Variants in MLLT6 observed in about 807,000 individuals in gnomAD.
The protein encoded by MLLT6 is protein AF-17.
Under a neutral mutation model 103.0 loss-of-function variants are expected in MLLT6, and 22 were observed. That is an observed-to-expected ratio of 0.21 (90% CI 0.15 to 0.31). MLLT6 has a LOEUF of 0.31. Among genes scored for constraint, MLLT6 ranks in the 10% least tolerant of loss-of-function variants. MLLT6 has a pLI of 1.00. For missense variants in MLLT6, 1,199 were observed against 1,441.7 expected (o/e 0.83, Z 2.73); for synonymous variants, 606 against 623.5 (o/e 0.97, Z 0.42).
intron 16 of MLLT6, 42 bp from the exon 17 acceptor site, chr17:38,721,836 C>T (rs745852665): frequency 7.1e-7 from 1 of 1,416,844 alleles, no homozygotes; most frequent in African/African-American, 1.5e-5. Context: ...CCAGAAAAGT[C>T]ATGCTGGCCC....
rs1305228378 is a variant in MLLT6, at chr17:38,709,923, G to A, written c.552+348G>A. 6.6e-6 allele frequency among the ~76,000 whole-genome samples: 1 copy of A among 152,208 alleles called. No individual in the cohort carries two copies. Among genetic ancestry groups the A allele is most frequent in the Non-Finnish European group, 1.5e-5 (1 of 68,036 alleles). ...CAGCATTTACTACGCCTCCGCCTTA[G>A]GACAAAGTTCCTGCCATGTGTTATT... is the stretch of plus-strand genomic sequence containing the variant. On this transcript the variant is annotated intron_variant, in intron 6 of 19. Transcript: ENST00000621332. This position sits in a 1 kb window ranked among gnomAD's most constrained non-coding sequence, Gnocchi z 4.3.
rs1906162707 is a variant in MLLT6 at position 38,728,644 on chromosome 17, A to ATGACAGCTCCAAGCCTAGAAGGGGC, written c.*3048_*3072dup. On this transcript the variant is annotated 3_prime_UTR_variant, in exon 20 of 20. Transcript: ENST00000621332. ...TTTCAGCCAGCTCCTCCCATCACAG[A>ATGACAGCTCCAAGCCTAGAAGGGGC]TGACAGCTCCAAGCCTAGAAGGGGC... The ATGACAGCTCCAAGCCTAGAAGGGGC allele has an allele frequency of 4.3e-6, 1 of 233,802 alleles. No homozygotes were observed. The highest frequency in any genetic ancestry group is 1.8e-4 in the South Asian group (1 of 5,546). 14.5% of individuals were successfully genotyped at this position (233,802 alleles called of 1,614,324 possible). A position where few individuals can be genotyped will look rare whatever the true frequency, so the allele number is the denominator to read the frequency against.
Position 38,707,477 on chromosome 17 carries a change from C to G in MLLT6, c.190-9C>G. 1 of 1,614,042 alleles carries G rather than the reference C, an allele frequency of 6.2e-7. No homozygotes were observed. Among genetic ancestry groups the G allele is most frequent in the Non-Finnish European group, 8.5e-7 (1 of 1,179,926 alleles). On this transcript the variant is annotated splice_polypyrimidine_tract_variant and intron_variant, in intron 2 of 19. Transcript: ENST00000621332. Reference sequence around the variant, plus strand: ...ATCCCCCAACCCCTGTGCACTCTTGCATTGGCAGAGGTGTGAGCTGTGCCC... The same window carrying G: ...ATCCCCCAACCCCTGTGCACTCTTGGATTGGCAGAGGTGTGAGCTGTGCCC...
intron 7 of MLLT6, 25 bp from the exon 8 acceptor site, chr17:38,712,666 T>C: frequency 6.5e-7 from 1 of 1,526,870 alleles, no homozygotes; most frequent in South Asian, 1.1e-5. Flanking sequence ...CCCAGCACAA[T>C]ATCTAGTCAC....
At chr17:38,718,764 A>C (rs1775994077) in intron 12 of MLLT6, 2 of 152,278 alleles carry the variant, frequency 1.3e-5, no homozygotes, top group South Asian at 2.1e-4. Context: ...GGCGGGTCAC[A>C]AGCGCCCCGC....
At chr17:38,720,264 C>T in intron 14 of MLLT6, 108 bp from the exon 15 acceptor site, 2 of 1,116,616 alleles carry the variant, frequency 1.8e-6, no homozygotes, top group Non-Finnish European at 2.5e-6. Flanking sequence ...AGGATGGCGC[C>T]GCCTTTTCAA....
In MLLT6 at chr17:38,720,736, A is replaced by G. The variant is rs750798724; in HGVS notation, c.2431A>G (p.Thr811Ala). The G allele has an allele frequency of 1.2e-6, 2 of 1,613,732 alleles. No homozygotes were observed. The highest frequency in any genetic ancestry group is 1.7e-5 in the Admixed American group (1 of 60,016). Reference protein sequence around the residue: ...SSLGLDNSLSTSSEDPHSGCP... With the variant: ...SSLGLDNSLSASSEDPHSGCP... ...CCTCGGCCTGGACAACTCGCTGTCC[A>G]CTTCTTCTGAGGTGGGCGCTACGAG... Residue 811 changes from threonine to alanine, a missense_variant, in exon 16 of 20, where the codon ACT becomes GCT. This residue lies in a region of MLLT6 where 1,034 missense variants were observed against 1,091.5 expected (regional missense o/e 0.95). Coordinates refer to ENST00000621332, the MANE Select transcript of MLLT6 (RefSeq NM_005937.4).
In MLLT6 at chr17:38,707,758, C is replaced by G. The variant is rs189382979; in HGVS notation, c.245-5C>G. ...GCAGCTGAGGCTACCCCCACACTGCCCCAGGCTGGGCACACGTGGTGTGTG... is the reference window on the plus strand; with the variant it reads ...GCAGCTGAGGCTACCCCCACACTGCGCCAGGCTGGGCACACGTGGTGTGTG... On this transcript the variant is annotated splice_region_variant and splice_polypyrimidine_tract_variant and intron_variant, in intron 3 of 19. Transcript: ENST00000621332. 1.3e-4 allele frequency: 199 copies of G among 1,591,888 alleles called. No individual in the cohort carries two copies. The African/African-American group carries it at 2.4e-3, about 19-fold the overall frequency.
intron 16 of MLLT6, chr17:38,721,127 G>A: frequency 3.2e-6 from 1 of 316,032 alleles, no homozygotes; most frequent in Non-Finnish European, 5.9e-6. Flanking sequence ...TATTTGTGAA[G>A]GGTTTATTAT....
Position 38,711,968 on chromosome 17 carries a change from C to T in MLLT6, c.674C>T (p.Thr225Met), listed in dbSNP as rs543115592. The change falls in exon 7 of 20, where the codon ACG becomes ATG. Residue 225 changes from threonine (T) to methionine (M), a missense_variant. Thr to Met is a moderately conservative substitution (Grantham distance 81). This residue lies in a region of MLLT6 where 1,034 missense variants were observed against 1,091.5 expected (regional missense o/e 0.95). Coordinates refer to ENST00000621332, the MANE Select transcript of MLLT6 (RefSeq NM_005937.4). Reference sequence around the variant, plus strand: ...AGAAGCCGGTCAGCCTCACCATCCACGCAGCAGGAGAAGCACCCCACCCAC... The same window carrying T: ...AGAAGCCGGTCAGCCTCACCATCCATGCAGCAGGAGAAGCACCCCACCCAC... Reference protein sequence around the residue: ...GRRSRSASPSTQQEKHPTHHE... With the variant: ...GRRSRSASPSMQQEKHPTHHE... 57 of 1,608,024 alleles carry T rather than the reference C, an allele frequency of 3.5e-5. No homozygotes were observed. The highest frequency in any genetic ancestry group is 1.7e-4 in the Middle Eastern group (1 of 6,040).
At chr17:38,720,330 C>A in intron 14 of MLLT6, 42 bp from the exon 15 acceptor site, 1 of 1,345,536 alleles carries the variant, frequency 7.4e-7, no homozygotes, top group Non-Finnish European at 1.0e-6. Flanking sequence ...GCCCCGCCTC[C>A]GCCCCCTCGC....
chr17:38,720,462 G>A lies in MLLT6; in HGVS notation c.2246G>A (p.Arg749Gln), dbSNP rs1028642985. The A allele has an allele frequency of 3.7e-6, 6 of 1,612,968 alleles. No individual in the cohort carries two copies. Among genetic ancestry groups the A allele is most frequent in the East Asian group, 2.2e-5 (1 of 44,872 alleles). Residue 749 changes from arginine to glutamine, a missense_variant, in exon 15 of 20, where the codon CGG (arginine) becomes CAG (glutamine). Arg to Gln is a conservative substitution (Grantham distance 43). Transcript: ENST00000621332. ...QILSLTAKKE[R>Q]LQILNVQLSV... ...CTGAGCCTGACGGCCAAAAAGGAGC[G>A]GCTGCAGATTCTCAACGTGCAGCTC...
rs200178596 is a variant in MLLT6, at chr17:38,711,870, G to A, written c.576G>A (p.Gly192=). ...SKMKTSRHSS[G]GGGGGAGGGG... ...AGAAGACATCCCGGCACAGCAGCGG[G>A]GGAGGCGGAGGAGGCGCTGGAGGAG... The change falls in exon 7 of 20, where the codon GGG becomes GGA. Residue 192 remains glycine (G), a synonymous_variant. Coordinates refer to ENST00000621332, the MANE Select transcript of MLLT6 (RefSeq NM_005937.4). 6.3e-7 allele frequency: 1 copy of A among 1,587,934 alleles called. No individual in the cohort carries two copies. Among genetic ancestry groups the A allele is most frequent in the Admixed American group, 1.8e-5 (1 of 56,042 alleles).
Position 38,722,119 on chromosome 17 carries a change from C to T in MLLT6, c.2684C>T (p.Pro895Leu). Reference protein sequence around the residue: ...LGGLAGSGGLPLNGLLGGLNG... With the variant: ...LGGLAGSGGLLLNGLLGGLNG... ...GGGCTGGCAGGCAGTGGGGGCCTGC[C>T]CCTCAATGGGCTCCTTGGGGGGTTG... The change falls in exon 17 of 20, where the codon CCC becomes CTC. Residue 895 changes from proline (P) to leucine (L), a missense_variant. Physicochemically the swap from Pro to Leu is moderately conservative, Grantham distance 98. This residue lies in a region of MLLT6 where 1,034 missense variants were observed against 1,091.5 expected (regional missense o/e 0.95). Transcript: ENST00000621332. 2.2e-6 allele frequency: 3 copies of T among 1,378,526 alleles called. No individual in the cohort carries two copies. Among genetic ancestry groups the T allele is most frequent in the Non-Finnish European group, 2.8e-6 (3 of 1,071,780 alleles). The allele number at this position is 1,378,526 out of a possible 1,614,324, so 85.4% of individuals were successfully genotyped here.
chr17:38,724,917 A>G lies in MLLT6; in HGVS notation c.3181A>G (p.Thr1061Ala), dbSNP rs1346805399. 1.3e-6 allele frequency: 2 copies of G among 1,552,748 alleles called. No homozygotes were observed. Among genetic ancestry groups the G allele is most frequent in the East Asian group, 4.9e-5 (2 of 41,038 alleles). ...AGGPPVLTAQ[T>A]NPFLSLSGAE... ...CGGACCTCCAGTCCTCACTGCCCAG[A>G]CCAACCCCTTCCTCAGCCTGTCGGG... is the stretch of plus-strand genomic sequence containing the variant. Residue 1061 changes from threonine to alanine, a missense_variant, in exon 19 of 20, where the codon ACC becomes GCC. By Grantham distance (58) the Thr-to-Ala change is moderately conservative (BLOSUM62 0). Transcript: ENST00000621332. The surrounding 1 kb of genome is among the most constrained non-coding windows in gnomAD (Gnocchi z 5.4).
Position 38,724,462 on chromosome 17 carries a change from C to T in MLLT6, c.2884-158C>T. ...TCTTGTCTAGATGGGGAGACCCAGG[C>T]TAAGTGGGAAATGCGAGACAGTACC... On this transcript the variant is annotated intron_variant, in intron 18 of 19. Coordinates refer to ENST00000621332, the MANE Select transcript of MLLT6 (RefSeq NM_005937.4). This position sits in a 1 kb window ranked among gnomAD's most constrained non-coding sequence, Gnocchi z 5.4. 1 of 580,414 alleles carries T rather than the reference C, an allele frequency of 1.7e-6. No homozygotes were observed. Among genetic ancestry groups the T allele is most frequent in the South Asian group, 2.3e-5 (1 of 42,584 alleles). The allele number at this position is 580,414 out of a possible 1,614,324, so 36.0% of individuals were successfully genotyped here.
At chr17:38,720,320 G>GCCCCCCCCCCC in intron 14 of MLLT6, 52 bp from the exon 15 acceptor site, 3 of 735,422 alleles carry the variant, frequency 4.1e-6, no homozygotes, top group Non-Finnish European at 6.7e-6. Context: ...CGGTCCCCTG[G>GCCCCCCCCCCC]CCCCGCCTCC....
intron 8 of MLLT6, among the ~76,000 whole-genome samples, chr17:38,715,092 C>T (rs1256749849): frequency 2.0e-5 from 3 of 152,148 alleles, no homozygotes; most frequent in African/African-American, 7.2e-5. Flanking sequence ...TTAGTGTGTG[C>T]AATCAGGTTG....
Position 38,728,178 on chromosome 17 carries a change from C to CT in MLLT6, c.*2582dup, listed in dbSNP as rs1286419769. 2.1e-5 allele frequency: 5 copies of CT among 233,234 alleles called. No homozygotes were observed. Among genetic ancestry groups the CT allele is most frequent in the African/African-American group, 1.1e-4 (5 of 45,338 alleles). The allele number at this position is 233,234 out of a possible 1,614,324, so 14.4% of individuals were successfully genotyped here. ...TGAACGGGTGCAGCCCTCTTCTCCT[C>CT]TTCCCCCCCACATCTCTCATGAGAG... On this transcript the variant is annotated 3_prime_UTR_variant, in exon 20 of 20. Transcript: ENST00000621332.
Sources: gnomAD v4.1 joint callset for allele counts (sites outside exome capture counted in the v4.1 genomes callset) on GRCh38, gnomAD v4.1.1 for gene constraint, gnomAD v4.1.1 regional missense constraint, Gnocchi (gnomAD v3.1) non-coding constraint, MANE v1.5 for transcripts, NCBI Gene and HGNC (gene_info 2026-07-23, HGNC 2026-07-21) for gene names.